PBRM1: variants seen among roughly 807,000 people sequenced by gnomAD.
PBRM1 encodes the protein polybromo 1.
PBRM1 carries 27 observed loss-of-function variants against 194.5 expected under a neutral mutation model. That is an observed-to-expected ratio of 0.14 (90% CI 0.10 to 0.19). PBRM1 has a LOEUF of 0.19. Among genes scored for constraint, PBRM1 ranks in the 10% least tolerant of loss-of-function variants. The pLI, the probability that PBRM1 is intolerant of heterozygous loss-of-function variation, is 1.00. For synonymous variants in PBRM1, 655 were observed against 693.2 expected, an observed-to-expected ratio of 0.94 and a Z score of 0.87; for missense variants, 1,466 against 2,077.2, an observed-to-expected ratio of 0.71 and a Z score of 5.72.
intron 17 of PBRM1, among the ~76,000 whole-genome samples, chr3:52,593,471 A>C (rs2093291450): frequency 6.6e-6 from 1 of 152,130 alleles, no homozygotes; most frequent in Admixed American, 6.6e-5. Context: ...TGCTAGCCTG[A>C]AGCAATCCAC....
chr3:52,557,336 C>T (rs1422752593), intron 26 of PBRM1, among the ~76,000 whole-genome samples: 2 of 152,154 alleles, frequency 1.3e-5, no homozygotes, highest in East Asian at 1.9e-4. Context: ...AAAGCAAAAA[C>T]GAAACAGCAA....
chr3:52,655,241 C>G (rs1355667237), intron 5 of PBRM1, among the ~76,000 whole-genome samples: 1 of 152,094 alleles, frequency 6.6e-6, no homozygotes, highest in Non-Finnish European at 1.5e-5. Flanking sequence ...ACTCCCCATT[C>G]CCTCCAGCCC....
At chr3:52,587,265 T>C (rs1256772477) in intron 19 of PBRM1, 88 bp downstream of exon 21, 3 of 1,005,484 alleles carry the variant, frequency 3.0e-6, no homozygotes, top group Middle Eastern at 6.2e-4. Flanking sequence ...ACAGAGTTCC[T>C]AATTTTGTAA....
In PBRM1 at chr3:52,674,643, AAT is replaced by A. The variant is rs1189318541; in HGVS notation, c.236+3855_236+3856del. 7.6e-3 allele frequency among the ~76,000 whole-genome samples: 548 copies of A among 72,334 alleles called. 5 individuals carry two copies. The highest frequency in any genetic ancestry group is 0.018 in the Middle Eastern group (2 of 112). The allele number at this position is 72,334 out of a possible 152,430, so 47.5% of individuals were successfully genotyped here. On this transcript the variant is annotated intron_variant, in intron 2 of 29. Transcript: ENST00000296302. ...TGTCTCTACCAAAAAAAAAAAAAAAAATATATATATATATATATATATACACA... is the reference window on the plus strand; with the variant it reads ...TGTCTCTACCAAAAAAAAAAAAAAAAATATATATATATATATATATACACA...
At chr3:52,571,901 G>A (rs1177576898) in intron 22 of PBRM1, among the ~76,000 whole-genome samples, 3 of 146,974 alleles carry the variant, frequency 2.0e-5, no homozygotes, top group African/African-American at 7.7e-5. Context: ...AGCTGGGAGT[G>A]GTGGTACATC....
chr3:52,554,571 CAA>C (rs1180592624), intron 27 of PBRM1, among the ~76,000 whole-genome samples, 151 bp downstream of exon 29: 1 of 152,260 alleles, frequency 6.6e-6, no homozygotes, highest in African/African-American at 2.4e-5. Context: ...GCTGAATGCA[CAA>C]GACATGCCCT....
chr3:52,630,935 A>G (rs879598794), intron 11 of PBRM1, among the ~76,000 whole-genome samples: 1 of 152,232 alleles, frequency 6.6e-6, no homozygotes, highest in African/African-American at 2.4e-5. Context: ...ATAATGAAGG[A>G]GAAAGGAAAC....
chr3:52,611,167 C>A (rs1195544203), intron 15 of PBRM1, among the ~76,000 whole-genome samples: 3 of 152,074 alleles, frequency 2.0e-5, no homozygotes, highest in Non-Finnish European at 4.4e-5. Context: ...AAGCCTTTAT[C>A]CTTTCAAAAA....
Position 52,634,591 on chromosome 3 carries a change from A to C in PBRM1, c.1301+11T>G, listed in dbSNP as rs372193591. 1.3e-6 allele frequency: 2 copies of C among 1,504,918 alleles called. No homozygotes were observed. Among genetic ancestry groups the C allele is most frequent in the African/African-American group, 1.4e-5 (1 of 72,114 alleles). 93.2% of individuals were successfully genotyped at this position (1,504,918 alleles called of 1,614,324 possible). A position where few individuals can be genotyped will look rare whatever the true frequency, so the allele number is the denominator to read the frequency against. ...ATAAAATTATACTGAATAATGTAGA[A>C]GACATCTTACCGGATCTGTTGTAGT... On this transcript the variant is annotated intron_variant, in intron 11 of 29. Transcript: ENST00000296302.
intron 22 of PBRM1, among the ~76,000 whole-genome samples, chr3:52,569,050 G>A (rs149664509): frequency 3.9e-4 from 59 of 152,070 alleles, no homozygotes; most frequent in Middle Eastern, 3.4e-3. Flanking sequence ...GTGCCACTCA[G>A]CTAATTTCTG....
At chr3:52,684,425 C>T (rs2097274515), upstream of PBRM1, among the ~76,000 whole-genome samples, 1 of 152,060 alleles carries the variant, frequency 6.6e-6, no homozygotes, top group Admixed American at 6.5e-5. Context: ...CTTTAGCCCT[C>T]TCCTATATTT....
chr3:52,561,399 G>A (rs1575608117), intron 25 of PBRM1, among the ~76,000 whole-genome samples: 1 of 152,064 alleles, frequency 6.6e-6, no homozygotes, highest in Non-Finnish European at 1.5e-5. Flanking sequence ...GATTTTAAGA[G>A]GCCCTTTTCA....
At chr3:52,634,529 G>A in intron 11 of PBRM1, 73 bp downstream of exon 12, 4 of 995,864 alleles carry the variant, frequency 4.0e-6, no homozygotes, top group South Asian at 1.5e-5. Context: ...TCCATTTTAG[G>A]AAGAAATACA....
At chr3:52,553,914 G>A (rs2081631808) in intron 27 of PBRM1, among the ~76,000 whole-genome samples, 8 of 151,870 alleles carry the variant, frequency 5.3e-5, no homozygotes, top group Admixed American at 5.3e-4. Flanking sequence ...CGCCCACCTC[G>A]GCCTCCCAAA....
chr3:52,583,120 A>AC (rs2091688946), intron 20 of PBRM1, among the ~76,000 whole-genome samples: 4 of 121,244 alleles, frequency 3.3e-5, no homozygotes, highest in Middle Eastern at 4.8e-3. Context: ...AAAAAAAAAA[A>AC]CTAATAGGGG....
At chr3:52,639,459 G>A (rs997956882) in intron 10 of PBRM1, among the ~76,000 whole-genome samples, 1 of 150,918 alleles carries the variant, frequency 6.6e-6, no homozygotes, top group Non-Finnish European at 1.5e-5. Context: ...TTTGGAGGCA[G>A]GGCTGGAGTG....
At chr3:52,627,792 A>C (rs1577033035) in intron 12 of PBRM1, among the ~76,000 whole-genome samples, 1 of 152,228 alleles carries the variant, frequency 6.6e-6, no homozygotes, top group African/African-American at 2.4e-5. Flanking sequence ...ACTTTTCAAC[A>C]CATGCATTTT....
chr3:52,572,120 A>G (rs2087571003), intron 22 of PBRM1, among the ~76,000 whole-genome samples: 1 of 147,322 alleles, frequency 6.8e-6, no homozygotes, highest in African/African-American at 2.7e-5. Flanking sequence ...CTACATACCT[A>G]ATATTTTTGA....
chr3:52,609,618 T>C lies in PBRM1; in HGVS notation c.2262A>G (p.Lys754=). Residue 754 remains lysine, a synonymous_variant, in exon 16 of 30, where the codon AAA becomes AAG. Transcript: ENST00000296302. This position sits in a 1 kb window ranked among gnomAD's most constrained non-coding sequence, Gnocchi z 4.1. ...GGTCTCTGCGTGTTTCAAGCAGGAC[T>C]TTGTGTAGAACAAGAGCATCTTTGT... The C allele has an allele frequency of 6.2e-7, 1 of 1,613,422 alleles. No homozygotes were observed. Among genetic ancestry groups the C allele is most frequent in the Non-Finnish European group, 8.5e-7 (1 of 1,179,684 alleles).
Sources: gnomAD v4.1 joint callset for allele counts (sites outside exome capture counted in the v4.1 genomes callset) on GRCh38, gnomAD v4.1.1 for gene constraint, Gnocchi (gnomAD v3.1) non-coding constraint, MANE v1.5 for transcripts, NCBI Gene and HGNC (gene_info 2026-07-23, HGNC 2026-07-21) for gene names.